The following EPN3 variants were observed in gnomAD, a reference collection of about 807,000 sequenced individuals.
The protein encoded by EPN3 is epsin-3.
In EPN3, 56 loss-of-function variants were observed where a neutral mutation model predicts 55.5. The ratio of observed to expected loss-of-function variants is 1.01; its 90% confidence interval spans 0.81 to 1.26. EPN3 has a LOEUF of 1.26. Among genes scored for constraint, EPN3 ranks in the 50% most tolerant of loss-of-function variants. The pLI, the probability that EPN3 is intolerant of heterozygous loss-of-function variation, is 0.00. For synonymous variants in EPN3, 449 were observed against 375.2 expected (o/e 1.20, Z -2.27); for missense variants, 927 against 853.4 (o/e 1.09, Z -1.07).
rs975400729 is a variant in EPN3, at chr17:50,534,327, C to A, written c.-137+1342C>A. The A allele has an allele frequency of 1.0e-4, 84 of 824,610 alleles. 1 individual carries two copies. The Middle Eastern group carries it at 1.8e-3, about 18-fold the overall frequency. The allele number at this position is 824,610 out of a possible 1,614,324, so 51.1% of individuals were successfully genotyped here. A position where few individuals can be genotyped will look rare whatever the true frequency, so the allele number is the denominator to read the frequency against. ...CCAGGCAGGGCCGCTGGGCCCACACCGAGAGTCCCCTCCCAGAGGCTGGTG... is the reference window on the plus strand; with the variant it reads ...CCAGGCAGGGCCGCTGGGCCCACACAGAGAGTCCCCTCCCAGAGGCTGGTG... On this transcript the variant is annotated intron_variant, in intron 1 of 9. Transcript: ENST00000268933.
intron 3 of EPN3, chr17:50,538,672 G>A: frequency 2.1e-6 from 1 of 484,086 alleles, no homozygotes; most frequent in Non-Finnish European, 3.7e-6. Context: ...GGATTCAGAA[G>A]CGAAAGATCA....
In EPN3 at chr17:50,542,761, G is replaced by C. The variant is rs2034866249; in HGVS notation, c.*604G>C. 6.6e-6 allele frequency: 1 copy of C among 152,260 alleles called. No homozygotes were observed. Among genetic ancestry groups the C allele is most frequent in the Non-Finnish European group, 1.5e-5 (1 of 68,116 alleles). The allele number at this position is 152,260 out of a possible 1,614,324, so 9.4% of individuals were successfully genotyped here. On this transcript the variant is annotated 3_prime_UTR_variant, in exon 10 of 10. Coordinates refer to ENST00000268933, the MANE Select transcript of EPN3 (RefSeq NM_017957.3). The stretch of plus-strand genomic sequence containing the variant: ...TCAGGATCCCGGCTACATAATCTGT[G>C]GGGCTCAATACAAAATAAAAATGTA...
intron 3 of EPN3, 116 bp from the exon 4 acceptor site, chr17:50,538,768 G>A (rs2034801462): frequency 1.4e-6 from 1 of 711,508 alleles, no homozygotes; most frequent in Non-Finnish European, 2.3e-6. Context: ...AATGGCCCAT[G>A]CACACTGAGG....
rs1438970387 is a variant in EPN3 at position 50,542,060 on chromosome 17, A to G, written c.1802A>G (p.Gln601Arg). Residue 601 changes from glutamine (Q) to arginine (R), a missense_variant, in exon 10 of 10, where the codon CAG (glutamine) becomes CGG (arginine). By Grantham distance (43) the Gln-to-Arg change is conservative (BLOSUM62 1). Transcript: ENST00000268933. ...CCCGCCTCGGTTAGCGTCTTCCCGC[A>G]GGCCGGAGCCTTCGCACCGCAGCCG... ...TLPASVSVFPQAGAFAPQPLL... is the reference protein window; with the variant it reads ...TLPASVSVFPRAGAFAPQPLL... The G allele has an allele frequency of 1.9e-5, 31 of 1,590,538 alleles. No individual in the cohort carries two copies. Among genetic ancestry groups the G allele is most frequent in the Non-Finnish European group, 2.6e-5 (31 of 1,176,984 alleles).
At chr17:50,534,325 A>G in intron 1 of EPN3, 5 of 816,484 alleles carry the variant, frequency 6.1e-6, no homozygotes, top group Non-Finnish European at 7.4e-6. Context: ...CTGGGCCCAC[A>G]CCGAGAGTCC....
At chr17:50,534,285 C>T in intron 1 of EPN3, 1 of 444,322 alleles carries the variant, frequency 2.3e-6, no homozygotes, top group Non-Finnish European at 3.0e-6. Context: ...AGAATGCCCA[C>T]CTTCTGTGAG....
chr17:50,538,190 C>T lies in EPN3; in HGVS notation c.674C>T (p.Ala225Val). 6.2e-7 allele frequency: 1 copy of T among 1,609,088 alleles called. No individual in the cohort carries two copies. The highest frequency in any genetic ancestry group is 8.5e-7 in the Non-Finnish European group (1 of 1,179,230). ...GCCCTCGCCATGAGCCGTGAGGAGG[C>T]AGAGAAGGTGAGGCCATGCAGCCCC... is the stretch of plus-strand genomic sequence containing the variant. ...QLALAMSREEAEKPVPPASHR... is the reference protein window; with the variant it reads ...QLALAMSREEVEKPVPPASHR... Residue 225 changes from alanine to valine, a missense_variant, in exon 3 of 10, where the codon GCA becomes GTA. Transcript: ENST00000268933.
chr17:50,537,457 T>C lies in EPN3; in HGVS notation c.562+339T>C, dbSNP rs370470468. ...ACCAGTTCTCTGAACCTCAGTTTCCTCATCTGTACAGTGGGGATAAGCTCA... is the reference window on the plus strand; with the variant it reads ...ACCAGTTCTCTGAACCTCAGTTTCCCCATCTGTACAGTGGGGATAAGCTCA... On this transcript the variant is annotated intron_variant, in intron 2 of 9. Coordinates refer to ENST00000268933, the MANE Select transcript of EPN3 (RefSeq NM_017957.3). 4.3e-4 allele frequency: 162 copies of C among 374,162 alleles called. 2 individuals carry two copies. The highest frequency in any genetic ancestry group is 3.0e-3 in the African/African-American group (146 of 48,772). 23.2% of individuals were successfully genotyped at this position (374,162 alleles called of 1,614,324 possible).
Position 50,542,737 on chromosome 17 carries a change from C to G in EPN3, c.*580C>G. On this transcript the variant is annotated 3_prime_UTR_variant, in exon 10 of 10. Transcript: ENST00000268933. ...GGTAGAAAATATTGTTAATTCCGTT[C>G]AGGATCCCGGCTACATAATCTGTGG... 6.6e-6 allele frequency: 1 copy of G among 152,358 alleles called. No individual in the cohort carries two copies. 9.4% of individuals were successfully genotyped at this position (152,358 alleles called of 1,614,324 possible).
At chr17:50,540,747 G>A in intron 6 of EPN3, 46 bp from the exon 7 acceptor site, 1 of 1,543,272 alleles carries the variant, frequency 6.5e-7, no homozygotes, top group Non-Finnish European at 8.8e-7. Flanking sequence ...CCTGGGCGAG[G>A]GATAAGGGTG....
At position 50,538,166 on chromosome 17, in the gene EPN3, C is replaced by G. The variant is rs1227170078; in HGVS notation, c.650C>G (p.Ala217Gly). The change falls in exon 3 of 10, where the codon GCC becomes GGC. Residue 217 changes from alanine (A) to glycine (G), a missense_variant. Transcript: ENST00000268933. Reference sequence around the variant, plus strand: ...GAAGAGGAACTGCAGCTGCAGCTGGCCCTCGCCATGAGCCGTGAGGAGGCA... The same window carrying G: ...GAAGAGGAACTGCAGCTGCAGCTGGGCCTCGCCATGAGCCGTGAGGAGGCA... ...SGEEELQLQL[A>G]LAMSREEAEK... 1 of 1,612,690 alleles carries G rather than the reference C, an allele frequency of 6.2e-7. No homozygotes were observed. Among genetic ancestry groups the G allele is most frequent in the South Asian group, 1.1e-5 (1 of 91,072 alleles).
In EPN3 at chr17:50,538,904, C is replaced by G. The variant is rs1418608925; in HGVS notation, c.702C>G (p.His234Gln). The G allele has an allele frequency of 1.9e-6, 3 of 1,607,186 alleles. No individual in the cohort carries two copies. In the South Asian group the frequency reaches 3.3e-5, roughly 18 times the overall value. ...EAEKPVPPAS[H>Q]RDEDLQLQLA... Reference sequence around the variant, plus strand: ...CGCAGCCTGTCCCCCCAGCCTCCCACAGGGACGAGGACCTGCAGCTGCAGC... The same window carrying G: ...CGCAGCCTGTCCCCCCAGCCTCCCAGAGGGACGAGGACCTGCAGCTGCAGC... Residue 234 changes from histidine to glutamine, a missense_variant, in exon 4 of 10, where the codon CAC becomes CAG. By Grantham distance (24) the His-to-Gln change is conservative. Coordinates refer to ENST00000268933, the MANE Select transcript of EPN3 (RefSeq NM_017957.3).
chr17:50,539,351 G>T, intron 5 of EPN3, 36 bp downstream of exon 5: 1 of 1,612,772 alleles, frequency 6.2e-7, no homozygotes. Context: ...GATGGACAGG[G>T]CCTAAGAGAT....
intron 1 of EPN3, among the ~76,000 whole-genome samples, chr17:50,533,602 G>A (rs926398225): frequency 1.3e-5 from 2 of 152,170 alleles, no homozygotes; most frequent in Non-Finnish European, 2.9e-5. Flanking sequence ...TGCTGGGGAT[G>A]AGCGATCTGC....
At chr17:50,537,334 C>T (rs969456919) in intron 2 of EPN3, 3 of 588,182 alleles carry the variant, frequency 5.1e-6, no homozygotes, top group Non-Finnish European at 6.0e-6. Flanking sequence ...CATTATCATT[C>T]GTTAGCTGCC....
At chr17:50,536,311 C>A in intron 1 of EPN3, 110 bp from the exon 2 acceptor site, 1 of 825,126 alleles carries the variant, frequency 1.2e-6, no homozygotes, top group Non-Finnish European at 1.8e-6. Flanking sequence ...CCGCTGAAGG[C>A]TGTCCCTGGA....
chr17:50,540,558 T>C (rs1309476777), intron 6 of EPN3, among the ~76,000 whole-genome samples: 1 of 152,204 alleles, frequency 6.6e-6, no homozygotes, highest in Non-Finnish European at 1.5e-5. Context: ...GTTCTCTCGC[T>C]GCACTCACTT....
intron 1 of EPN3, chr17:50,534,678 T>G: frequency 1.0e-6 from 1 of 979,510 alleles, no homozygotes; most frequent in Non-Finnish European, 1.2e-6. Flanking sequence ...GGCCAGGCAC[T>G]CTCCACCTCG....
chr17:50,540,107 T>C, intron 5 of EPN3, 140 bp from the exon 6 acceptor site: 1 of 595,346 alleles, frequency 1.7e-6, no homozygotes. Context: ...TGTAAAGCAC[T>C]GTGCAGAGGT....
Sources: gnomAD v4.1 joint callset for allele counts (sites outside exome capture counted in the v4.1 genomes callset) on GRCh38, gnomAD v4.1.1 for gene constraint, MANE v1.5 for transcripts, NCBI Gene and HGNC (gene_info 2026-07-23, HGNC 2026-07-21) for gene names.